The following ROBO2 variants were observed in gnomAD, a reference collection of about 807,000 sequenced individuals.
ROBO2 encodes roundabout homolog 2.
A neutral mutation model predicts 160.8 loss-of-function variants in ROBO2; 53 were observed. The ratio of observed to expected loss-of-function variants is 0.33; its 90% CI spans 0.26 to 0.41. The LOEUF is 0.41. ROBO2 is among the 10% of genes least tolerant of loss of function. The pLI, the probability that ROBO2 is intolerant of heterozygous loss-of-function variation, is 1.00. For synonymous variants in ROBO2, 664 were observed against 611.7 expected (o/e 1.09, Z -1.26); for missense variants, 1,577 against 1,722.4 (o/e 0.92, Z 1.49).
At chr3:77,129,652 C>G (rs776875664) in intron 2 of ROBO2, among the ~76,000 whole-genome samples, 1 of 152,146 alleles carries the variant, frequency 6.6e-6, no homozygotes. Flanking sequence ...AACGTGCGGT[C>G]GGGTGTTGTT....
Position 76,448,970 on chromosome 3 carries a change from G to A in ROBO2, c.109+511368G>A, listed in dbSNP as rs891500346. ...CTTTGAGACACTACGTTCCATACAA[G>A]GGATACATTCTTACAAAGCAATTTT... is the stretch of plus-strand genomic sequence containing the variant. On this transcript the variant is annotated intron_variant, in intron 2 of 26. Transcript: ENST00000487694. 3.1e-5 allele frequency among the ~76,000 whole-genome samples: 4 copies of A among 130,144 alleles called. No individual in the cohort carries two copies. The East Asian group carries it at 9.6e-4, about 31-fold the overall frequency. The allele number at this position is 130,144 out of a possible 152,430, so 85.4% of individuals were successfully genotyped here. A position where few individuals can be genotyped will look rare whatever the true frequency, so the allele number is the denominator to read the frequency against.
chr3:77,166,413 A>G (rs984883710), intron 2 of ROBO2, among the ~76,000 whole-genome samples: 1 of 152,218 alleles, frequency 6.6e-6, no homozygotes, highest in Non-Finnish European at 1.5e-5. Flanking sequence ...TGCATCTATC[A>G]TAATGTTTTT....
At chr3:77,255,916 G>A (rs72893287) in intron 2 of ROBO2, among the ~76,000 whole-genome samples, 3,302 of 152,228 alleles carry the variant, frequency 0.022, 119 homozygotes, top group African/African-American at 0.075. Context: ...ATTCATAAAC[G>A]TGACCAATGG....
intron 2 of ROBO2, among the ~76,000 whole-genome samples, chr3:76,878,618 A>G (rs969687311): frequency 2.0e-5 from 3 of 152,028 alleles, no homozygotes; most frequent in Admixed American, 6.6e-5. Flanking sequence ...AAGATTACCA[A>G]GTAAATTTTT....
chr3:76,390,551 TAA>T lies in ROBO2; in HGVS notation c.109+452951_109+452952del, dbSNP rs2077100597. ...ACAATGCATCTAAGATGAAATTCAT[TAA>T]AGTTTCATTACTCTGAGCTGTGTTA... is the stretch of plus-strand genomic sequence containing the variant. On this transcript the variant is annotated intron_variant, in intron 2 of 26. Coordinates refer to the ROBO2 transcript ENST00000487694. 5.9e-5 allele frequency among the ~76,000 whole-genome samples: 9 copies of T among 152,310 alleles called. No homozygotes were observed. The South Asian group carries it at 1.9e-3, about 32-fold the overall frequency.
At chr3:77,522,873 T>A in exon 6 of ROBO2, 1 of 1,609,392 alleles carries the variant, frequency 6.2e-7, no homozygotes. Flanking sequence ...GTTGGAAAAA[T>A]GGAAGCCTCT....
rs561015248 is a variant in ROBO2, at chr3:76,785,107, T to C, written c.110-312907T>C. Among the ~76,000 whole-genome samples, 4 of 151,290 alleles carry C rather than the reference T, an allele frequency of 2.6e-5. No homozygotes were observed. In the East Asian group the frequency reaches 7.8e-4, roughly 30 times the overall value. ...TTTGCTGATGTCATTCCCACATATC[T>C]TTTTTTCTTTATCTTCTCTATCCTT... On this transcript the variant is annotated intron_variant, in intron 2 of 26. Coordinates refer to the ROBO2 transcript ENST00000487694.
intron 2 of ROBO2, among the ~76,000 whole-genome samples, chr3:76,450,824 A>G (rs1455221589): frequency 3.3e-5 from 5 of 152,300 alleles, no homozygotes; most frequent in African/African-American, 1.2e-4. Context: ...AAATATTTTA[A>G]GACATTTTCG....
chr3:77,235,613 G>A (rs984994759), intron 2 of ROBO2, among the ~76,000 whole-genome samples: 4 of 152,122 alleles, frequency 2.6e-5, no homozygotes, highest in Admixed American at 2.6e-4. Flanking sequence ...ATATTAAAGA[G>A]AAAGTCTCAG....
At chr3:76,260,376 G>A (rs898666862) in intron 2 of ROBO2, among the ~76,000 whole-genome samples, 18 of 151,890 alleles carry the variant, frequency 1.2e-4, no homozygotes, top group Admixed American at 2.6e-4. Context: ...GAAGTCAAAG[G>A]AGAAAAAAAG....
chr3:76,440,080 T>C (rs2076855195), intron 2 of ROBO2, among the ~76,000 whole-genome samples: 1 of 152,138 alleles, frequency 6.6e-6, no homozygotes, highest in Non-Finnish European at 1.5e-5. Flanking sequence ...TGAACTACCA[T>C]GGATGAATCC....
chr3:76,132,917 G>C (rs1321159023), intron 2 of ROBO2, among the ~76,000 whole-genome samples: 1 of 152,124 alleles, frequency 6.6e-6, no homozygotes, highest in Non-Finnish European at 1.5e-5. Flanking sequence ...TAAAATCACG[G>C]ATGCTGGAGA....
chr3:77,104,732 C>A (rs1028309159), intron 2 of ROBO2, among the ~76,000 whole-genome samples: 1 of 152,106 alleles, frequency 6.6e-6, no homozygotes, highest in Admixed American at 6.5e-5. Flanking sequence ...CAATATGAAA[C>A]ACAGTCATAA....
chr3:76,476,497 A>G (rs147635017), intron 2 of ROBO2, among the ~76,000 whole-genome samples: 3 of 152,244 alleles, frequency 2.0e-5, no homozygotes, highest in African/African-American at 7.2e-5. Flanking sequence ...GAAAAAAATA[A>G]TGACATCTCC....
At chr3:76,469,096 A>G (rs1365736569) in intron 2 of ROBO2, among the ~76,000 whole-genome samples, 1 of 152,094 alleles carries the variant, frequency 6.6e-6, no homozygotes, top group East Asian at 1.9e-4. Flanking sequence ...GTCAATTAAT[A>G]GTGAATTCTA....
chr3:76,873,556 T>TTAGTAG (rs201518122), intron 2 of ROBO2, among the ~76,000 whole-genome samples: 12 of 151,910 alleles, frequency 7.9e-5, no homozygotes, highest in Non-Finnish European at 1.6e-4. Context: ...AAGTTAGTAG[T>TTAGTAG]TAGTAGTAGT....
intron 2 of ROBO2, among the ~76,000 whole-genome samples, chr3:77,011,177 TCC>T: frequency 6.8e-6 from 1 of 146,770 alleles, no homozygotes; most frequent in African/African-American, 2.6e-5. Flanking sequence ...ATTCCATCCT[TCC>T]TTTCTTCCTT....
chr3:76,240,077 C>G (rs977850668), intron 2 of ROBO2, among the ~76,000 whole-genome samples: 10 of 152,090 alleles, frequency 6.6e-5, no homozygotes, highest in Admixed American at 6.6e-4. Context: ...ACATGAAGCT[C>G]TGTGTTTCTG....
intron 2 of ROBO2, among the ~76,000 whole-genome samples, chr3:77,258,388 C>T (rs930181165): frequency 7.2e-5 from 11 of 152,070 alleles, no homozygotes; most frequent in African/African-American, 2.7e-4. Context: ...ATTGTATATT[C>T]CTCCCCAATA....
Sources: gnomAD v4.1 joint callset for allele counts (sites outside exome capture counted in the v4.1 genomes callset) on GRCh38, gnomAD v4.1.1 for gene constraint, MANE v1.5 for transcripts, NCBI Gene and HGNC (gene_info 2026-07-23, HGNC 2026-07-21) for gene names.